SNX9: variants seen among roughly 807,000 people sequenced by gnomAD.
The protein encoded by SNX9 is sorting nexin 9, also known as sorting nexin-9.
Under a neutral mutation model 89.4 loss-of-function variants are expected in SNX9, and 44 were observed. That is an observed-to-expected ratio of 0.49 (90% CI 0.39 to 0.63). The LOEUF is 0.63. Ranked by LOEUF, SNX9 falls within the 30% of genes least tolerant of loss-of-function variation. The pLI, the probability that SNX9 is intolerant of heterozygous loss-of-function variation, is 0.00. For missense variants in SNX9, 578 were observed against 736.1 expected, an observed-to-expected ratio of 0.79 and a Z score of 2.49; for synonymous variants, 236 against 247.8, an observed-to-expected ratio of 0.95 and a Z score of 0.45.
chr6:157,893,608 T>TGTGTG (rs1782909401), intron 4 of SNX9, among the ~76,000 whole-genome samples: 1 of 148,754 alleles, frequency 6.7e-6, no homozygotes, highest in African/African-American at 2.5e-5. Flanking sequence ...CTAGCACCAT[T>TGTGTG]TGTGTGTGTG....
chr6:157,870,691 C>G (rs1271473983), intron 2 of SNX9, among the ~76,000 whole-genome samples: 1 of 150,372 alleles, frequency 6.7e-6, no homozygotes, highest in Admixed American at 6.6e-5. Context: ...ATACACCCTG[C>G]AGATAGTCTC....
chr6:157,937,557 A>G (rs1489937645), intron 15 of SNX9, 34 bp downstream of exon 15: 4 of 1,476,118 alleles, frequency 2.7e-6, no homozygotes, highest in Admixed American at 3.4e-5. Context: ...AGAAGACAAC[A>G]GCAGGTGAAG....
intron 5 of SNX9, among the ~76,000 whole-genome samples, chr6:157,897,603 G>T (rs1783006713): frequency 6.6e-6 from 1 of 152,256 alleles, no homozygotes; most frequent in South Asian, 2.1e-4. Context: ...CGCCTCCCAG[G>T]TTCAAGTGAT....
At chr6:157,925,795 T>A (rs1240501972) in intron 10 of SNX9, among the ~76,000 whole-genome samples, 3 of 152,038 alleles carry the variant, frequency 2.0e-5, no homozygotes, top group Non-Finnish European at 4.4e-5. Context: ...AAACAAAGTG[T>A]CTGAGTCCAT....
chr6:157,838,762 A>G (rs1452216328), intron 1 of SNX9, among the ~76,000 whole-genome samples: 2 of 152,202 alleles, frequency 1.3e-5, no homozygotes, highest in African/African-American at 2.4e-5. Flanking sequence ...CTGACCTTGC[A>G]GGACAGAAAG....
intron 4 of SNX9, among the ~76,000 whole-genome samples, chr6:157,880,177 C>G (rs1782596074): frequency 6.6e-6 from 1 of 152,178 alleles, no homozygotes; most frequent in Admixed American, 6.5e-5. Flanking sequence ...CAGTGCGGCT[C>G]CACTGTGTAA....
chr6:157,938,760 G>C lies in SNX9; in HGVS notation c.1648+13G>C, dbSNP rs201936674. On this transcript the variant is annotated intron_variant, in intron 16 of 17. Transcript: ENST00000392185. ...TACGCGTTGCAAGGTAAGATGAAAG[G>C]GTCCTTATGAGGTGCTGGTGGAAGT... The C allele has an allele frequency of 1.4e-4, 223 of 1,598,790 alleles. 1 individual carries two copies. In the East Asian group the frequency reaches 3.7e-3, roughly 27 times the overall value.
At chr6:157,937,174 T>G (rs755438852) in intron 14 of SNX9, among the ~76,000 whole-genome samples, 6 of 152,244 alleles carry the variant, frequency 3.9e-5, no homozygotes, top group Non-Finnish European at 7.3e-5. Context: ...GGTGGTATTA[T>G]TTTGGGCCAC....
intron 9 of SNX9, among the ~76,000 whole-genome samples, chr6:157,910,963 A>T (rs952028169): frequency 1.1e-4 from 17 of 152,058 alleles, no homozygotes; most frequent in African/African-American, 3.6e-4. Context: ...CTACTAAAAA[A>T]TTAGCCCGGT....
chr6:157,859,897 T>A (rs1782084626), intron 1 of SNX9, among the ~76,000 whole-genome samples: 1 of 147,692 alleles, frequency 6.8e-6, no homozygotes, highest in African/African-American at 2.7e-5. Context: ...GACTAGTGAT[T>A]TTTACATAAT....
At position 157,944,724 on chromosome 6, in the gene SNX9, A is replaced by G. The variant is rs1045653509; in HGVS notation, c.*1886A>G. On this transcript the variant is annotated 3_prime_UTR_variant, in exon 18 of 18. Coordinates refer to ENST00000392185, the MANE Select transcript of SNX9 (RefSeq NM_016224.5). The stretch of plus-strand genomic sequence containing the variant: ...TCATAACCACCTGGGAGTTGCCAAG[A>G]AGCAGACAGTCTCCCAGTGTCTGAC... 1 of 152,198 alleles carries G rather than the reference A, an allele frequency of 6.6e-6. No individual in the cohort carries two copies. The highest frequency in any genetic ancestry group is 1.5e-5 in the Non-Finnish European group (1 of 68,046). The allele number at this position is 152,198 out of a possible 1,614,324, so 9.4% of individuals were successfully genotyped here.
chr6:157,923,580 G>A lies in SNX9; in HGVS notation c.1080+1919G>A, dbSNP rs187779598. On this transcript the variant is annotated intron_variant, in intron 10 of 17. Coordinates refer to ENST00000392185, the MANE Select transcript of SNX9 (RefSeq NM_016224.5). ...ACCTAAATAAATTTTCTAATACTGC[G>A]TCTCATGGACTGGAAACAATAAAGA... 7.0e-4 allele frequency among the ~76,000 whole-genome samples: 107 copies of A among 152,240 alleles called. 1 individual carries two copies. The highest frequency in any genetic ancestry group is 4.2e-4 in the South Asian group (2 of 4,818).
chr6:157,840,423 TCTTTCTTTTCTTTC>T (rs1781677942), intron 1 of SNX9, among the ~76,000 whole-genome samples: 2 of 139,740 alleles, frequency 1.4e-5, no homozygotes, highest in Admixed American at 1.4e-4. Flanking sequence ...TTCTTTCTTT[TCTTTCTTTTCTTTC>T]CTTTCTTTCC....
At position 157,910,000 on chromosome 6, in the gene SNX9, T is replaced by C. The variant is rs552407772; in HGVS notation, c.924T>C (p.Pro308=). The C allele has an allele frequency of 6.2e-7, 1 of 1,614,020 alleles. No homozygotes were observed. The highest frequency in any genetic ancestry group is 1.7e-5 in the Admixed American group (1 of 60,024). ...AGTTTGGGTCAGCCATTCCAATCCC[T>C]TCTCTTCCAGACAAACAAGTCACAG... ...LVKFGSAIPI[P]SLPDKQVTGR... is the part of the protein sequence containing the mutation. The change falls in exon 9 of 18, where the codon CCT becomes CCC. Residue 308 remains proline (P), a synonymous_variant. Transcript: ENST00000392185.
intron 12 of SNX9, 63 bp downstream of exon 12, chr6:157,928,765 C>G: frequency 7.7e-7 from 1 of 1,294,118 alleles, no homozygotes; most frequent in Middle Eastern, 2.0e-4. Flanking sequence ...GTTTTATGTC[C>G]CTTATCATAG....
intron 4 of SNX9, chr6:157,885,383 G>C (rs1374225620): frequency 2.0e-5 from 3 of 152,150 alleles, no homozygotes; most frequent in Non-Finnish European, 4.4e-5. Flanking sequence ...TGTCCTTTGA[G>C]CCAAAGATCT....
At chr6:157,859,154 TAC>T (rs1044546657) in intron 1 of SNX9, among the ~76,000 whole-genome samples, 1 of 152,178 alleles carries the variant, frequency 6.6e-6, no homozygotes, top group African/African-American at 2.4e-5. Flanking sequence ...ACAGGTGACA[TAC>T]ACACACACAG....
intron 1 of SNX9, among the ~76,000 whole-genome samples, chr6:157,843,833 T>A (rs1781748097): frequency 6.6e-6 from 1 of 151,860 alleles, no homozygotes; most frequent in Non-Finnish European, 1.5e-5. Flanking sequence ...GCATCGTGAG[T>A]ACAGAATTCT....
At chr6:157,829,602 A>G (rs1781444538) in intron 1 of SNX9, among the ~76,000 whole-genome samples, 1 of 152,172 alleles carries the variant, frequency 6.6e-6, no homozygotes, top group African/African-American at 2.4e-5. Context: ...CTTGATGGTG[A>G]TGCTAAAATG....
Sources: allele counts gnomAD v4.1 joint callset (sites outside exome capture counted in the v4.1 genomes callset), GRCh38; gene constraint gnomAD v4.1.1; transcripts MANE v1.5; gene names NCBI Gene and HGNC (gene_info 2026-07-23, HGNC 2026-07-21).